CAST: variants seen among roughly 807,000 people sequenced by gnomAD.
CAST encodes the protein MIR583 host.
In CAST, 76 loss-of-function variants were observed where a neutral mutation model predicts 119.6. The ratio of observed to expected loss-of-function variants is 0.64; its 90% CI spans 0.53 to 0.77. The LOEUF is 0.77. Among genes scored for constraint, CAST ranks in the 30% least tolerant of loss-of-function variants. The pLI, the probability that CAST is intolerant of heterozygous loss-of-function variation, is 0.00. For missense variants in CAST, 953 were observed against 946.5 expected, an observed-to-expected ratio of 1.01 and a Z score of -0.09; for synonymous variants, 319 against 331.6, an observed-to-expected ratio of 0.96 and a Z score of 0.41.
rs1561462145 is a variant in CAST, at chr5:96,676,642, A to C, written c.138+1041A>C. Reference sequence around the variant, plus strand: ...CCATGAAAGGCAAATGTTTCTTTAAAAATACAAAGTAGAAGTAAACATATT... The same window carrying C: ...CCATGAAAGGCAAATGTTTCTTTAACAATACAAAGTAGAAGTAAACATATT... On this transcript the variant is annotated intron_variant, in intron 2 of 31. Transcript: ENST00000675179. Among the ~76,000 whole-genome samples, 3 of 152,170 alleles carry C rather than the reference A, an allele frequency of 2.0e-5. No homozygotes were observed. The South Asian group carries it at 6.2e-4, about 32-fold the overall frequency.
chr5:96,463,291 C>A, the CAST span, among the ~76,000 whole-genome samples: 2 of 151,988 alleles, frequency 1.3e-5, no homozygotes, highest in Non-Finnish European at 1.5e-5. Context: ...TGAATTAGGG[C>A]GGATTTGGAA....
the CAST span, among the ~76,000 whole-genome samples, chr5:96,036,551 C>G: frequency 3.3e-5 from 5 of 152,160 alleles, no homozygotes; most frequent in African/African-American, 1.2e-4. Context: ...GAGTCTCTGT[C>G]TCTAGACTCT....
the CAST span, among the ~76,000 whole-genome samples, chr5:96,501,942 A>G: frequency 9.0e-4 from 137 of 152,362 alleles, 2 homozygotes; most frequent in South Asian, 2.7e-3. Context: ...CTAGGTTTGT[A>G]TAAGAGGTGT....
the CAST span, among the ~76,000 whole-genome samples, chr5:96,157,946 A>G: frequency 2.6e-3 from 392 of 152,298 alleles, 1 homozygote; most frequent in Non-Finnish European, 3.8e-3. Context: ...GAAGTCTCCC[A>G]TTTGTTCCGT....
the CAST span, among the ~76,000 whole-genome samples, chr5:96,500,608 T>G: frequency 3.9e-5 from 6 of 152,220 alleles, no homozygotes; most frequent in African/African-American, 1.4e-4. Context: ...TTTCAGATAT[T>G]GCTTTTGTGT....
chr5:96,279,063 A>G, the CAST span, among the ~76,000 whole-genome samples: 1 of 152,356 alleles, frequency 6.6e-6, no homozygotes, highest in African/African-American at 2.4e-5. Flanking sequence ...TCTTTGAATT[A>G]GAGAAAGCTG....
rs372464441 is a variant in CAST, at chr5:96,696,774, T to G, written c.210+867T>G. The stretch of plus-strand genomic sequence containing the variant: ...AGATGGCTGAGGTTGGAGGATCACT[T>G]AAGTCTGGGAGGTCGAGGCTGCAGT... On this transcript the variant is annotated intron_variant, in intron 3 of 31. Coordinates refer to ENST00000675179, the MANE Select transcript of CAST (RefSeq NM_001750.7). 7.2e-5 allele frequency among the ~76,000 whole-genome samples: 11 copies of G among 151,756 alleles called. 1 individual carries two copies. Among genetic ancestry groups the G allele is most frequent in the African/African-American group, 2.7e-4 (11 of 41,408 alleles).
At chr5:96,676,185 G>A (rs1227210507) in intron 2 of CAST, among the ~76,000 whole-genome samples, 1 of 152,160 alleles carries the variant, frequency 6.6e-6, no homozygotes, top group Non-Finnish European at 1.5e-5. Context: ...AGGGTCATGT[G>A]AAAGTTCTGC....
chr5:96,108,788 C>T, the CAST span, among the ~76,000 whole-genome samples: 150 of 152,388 alleles, frequency 9.8e-4, no homozygotes, highest in African/African-American at 3.3e-3. Flanking sequence ...TTTACCTAAG[C>T]AAGCCTGGGC....
At chr5:96,610,961 T>C (rs1193515168) in intron 1 of CAST, among the ~76,000 whole-genome samples, 2 of 151,894 alleles carry the variant, frequency 1.3e-5, no homozygotes, top group Admixed American at 6.6e-5. Context: ...TAGGAATGCG[T>C]CTAACCGTGG....
chr5:96,502,827 A>G, the CAST span, among the ~76,000 whole-genome samples: 217 of 152,248 alleles, frequency 1.4e-3, no homozygotes, highest in Middle Eastern at 0.024. Context: ...ACTCCAACTC[A>G]CTTCTTTAAA....
At chr5:96,186,680 T>G in the CAST span, among the ~76,000 whole-genome samples, 3 of 152,226 alleles carry the variant, frequency 2.0e-5, no homozygotes, top group Admixed American at 1.3e-4. Flanking sequence ...TGAACCAATC[T>G]TGCATCCTGA....
In CAST at chr5:96,622,857, C is replaced by CTTTTTTTTTTTTT. The variant is rs5869727; in HGVS notation, c.61-52670_61-52658dup. 2.8e-4 allele frequency among the ~76,000 whole-genome samples: 18 copies of CTTTTTTTTTTTTT among 64,472 alleles called. 2 individuals are homozygous for CTTTTTTTTTTTTT. The highest frequency in any genetic ancestry group is 7.2e-4 in the African/African-American group (10 of 13,848). 42.3% of individuals were successfully genotyped at this position (64,472 alleles called of 152,430 possible). On this transcript the variant is annotated intron_variant, in intron 1 of 11. Coordinates refer to the CAST transcript ENST00000505143. ...TAAGAAGTTAAGGACTTATGGGACT[C>CTTTTTTTTTTTTT]TTTTTTTTTTTTTTTTTTTTTTTTG...
chr5:96,379,044 A>G, the CAST span, among the ~76,000 whole-genome samples: 1 of 152,182 alleles, frequency 6.6e-6, no homozygotes, highest in Admixed American at 6.6e-5. Flanking sequence ...GCATTCTGCA[A>G]TTAGTTATAC....
At chr5:96,176,257 C>G in the CAST span, among the ~76,000 whole-genome samples, 1 of 152,086 alleles carries the variant, frequency 6.6e-6, no homozygotes, top group Non-Finnish European at 1.5e-5. Context: ...GTGTATAGTT[C>G]AAGAGATAAA....
the CAST span, among the ~76,000 whole-genome samples, chr5:96,316,962 G>GTT: frequency 6.6e-6 from 1 of 151,412 alleles, no homozygotes; most frequent in African/African-American, 2.4e-5. Context: ...ATGTTGAACT[G>GTT]GGAATGGTTG....
At chr5:96,275,039 T>C in the CAST span, among the ~76,000 whole-genome samples, 3 of 152,210 alleles carry the variant, frequency 2.0e-5, no homozygotes, top group East Asian at 5.8e-4. Flanking sequence ...TTTGCTGAAG[T>C]TAGTCAATTA....
At chr5:96,019,923 C>T in the CAST span, among the ~76,000 whole-genome samples, 2 of 152,148 alleles carry the variant, frequency 1.3e-5, no homozygotes, top group South Asian at 4.1e-4. Context: ...ATAATGTTTA[C>T]CGCTTATTAA....
At chr5:96,708,042 G>C (rs932143274) in intron 3 of CAST, among the ~76,000 whole-genome samples, 2 of 152,216 alleles carry the variant, frequency 1.3e-5, no homozygotes, top group Non-Finnish European at 2.9e-5. Flanking sequence ...GTAGGAAATT[G>C]TGTTTATATC....
Sources: gnomAD v4.1 joint callset for allele counts (sites outside exome capture counted in the v4.1 genomes callset) on GRCh38, gnomAD v4.1.1 for gene constraint, MANE v1.5 for transcripts, NCBI Gene and HGNC (gene_info 2026-07-23, HGNC 2026-07-21) for gene names.